The following MEIG1 variants were observed in gnomAD, a reference collection of about 807,000 sequenced individuals.
The protein encoded by MEIG1 is meiosis/spermiogenesis associated 1.
MEIG1 carries 12 observed loss-of-function variants against 11.3 expected under a neutral mutation model. That is an observed-to-expected ratio of 1.07 (90% confidence interval 0.68 to 1.73). MEIG1 has a LOEUF of 1.73. Ranked by LOEUF, MEIG1 falls within the 40% of genes most tolerant of loss-of-function variation. MEIG1 has a pLI of 0.00. For synonymous variants in MEIG1, 41 were observed against 33.2 expected (o/e 1.24, Z -0.81); for missense variants, 119 against 104.9 (o/e 1.13, Z -0.59).
At chr10:14,970,013 C>T (rs1213077236) in intron 2 of MEIG1, among the ~76,000 whole-genome samples, 2 of 152,172 alleles carry the variant, frequency 1.3e-5, no homozygotes, top group Non-Finnish European at 2.9e-5. Context: ...TCACTTCCTT[C>T]CAGGGACAAT....
downstream of MEIG1, among the ~76,000 whole-genome samples, chr10:14,974,546 C>T (rs1358679786): frequency 2.6e-5 from 4 of 151,958 alleles, no homozygotes; most frequent in East Asian, 1.9e-4. Flanking sequence ...CGTTTTGGGT[C>T]GTAAACCAGC....
chr10:14,968,582 T>C (rs567899123), intron 2 of MEIG1, among the ~76,000 whole-genome samples: 3 of 152,318 alleles, frequency 2.0e-5, no homozygotes, highest in East Asian at 1.9e-4. Context: ...ACCTCTTTAA[T>C]AGACATTAAT....
chr10:14,987,699 G>A lies in MEIG1; in HGVS notation n.286-89G>A, dbSNP rs190513760. 730 of 294,024 alleles carry A rather than the reference G, an allele frequency of 2.5e-3. 5 individuals carry two copies. The highest frequency in any genetic ancestry group is 0.018 in the Middle Eastern group (16 of 886). 18.2% of individuals were successfully genotyped at this position (294,024 alleles called of 1,614,324 possible). On this transcript the variant is annotated intron_variant and non_coding_transcript_variant, in intron 2 of 2. Coordinates refer to the MEIG1 transcript ENST00000467536. ...AAGAATATCAGAAGACCAAAACGTC[G>A]TATATAACAAATCCGTGATCTCCGT... is the stretch of plus-strand genomic sequence containing the variant.
At chr10:14,973,232 T>A (rs991179666), downstream of MEIG1, among the ~76,000 whole-genome samples, 1 of 152,110 alleles carries the variant, frequency 6.6e-6, no homozygotes, top group Non-Finnish European at 1.5e-5. Context: ...ATCATCCCAA[T>A]GGTTAGACTA....
chr10:14,975,811 A>G (rs1429333915), downstream of MEIG1, among the ~76,000 whole-genome samples: 14 of 152,060 alleles, frequency 9.2e-5, no homozygotes. Flanking sequence ...GCCCCCAGTG[A>G]TATTGGTCCT....
downstream of MEIG1, among the ~76,000 whole-genome samples, chr10:14,976,562 C>T (rs190867966): frequency 5.5e-3 from 832 of 152,174 alleles, 3 homozygotes; most frequent in Middle Eastern, 0.017. Context: ...TAAGATGTCA[C>T]TCCTCATATC....
chr10:14,963,930 C>T (rs892792850), intron 1 of MEIG1, among the ~76,000 whole-genome samples: 1 of 152,020 alleles, frequency 6.6e-6, no homozygotes. Context: ...AACCCCGTCT[C>T]TACTAAAAAT....
At chr10:14,974,508 G>A (rs936909410), downstream of MEIG1, among the ~76,000 whole-genome samples, 8 of 152,038 alleles carry the variant, frequency 5.3e-5, no homozygotes, top group African/African-American at 1.4e-4. Flanking sequence ...CCAGTATACC[G>A]CTGCTCTCTC....
At chr10:14,965,717 G>A (rs6602772) in intron 1 of MEIG1, among the ~76,000 whole-genome samples, 18 of 12,158 alleles carry the variant, frequency 1.5e-3, no homozygotes, top group African/African-American at 3.3e-3. Flanking sequence ...AGAGAGAGAG[G>A]TGCAGCTTTG....
chr10:14,972,891 A>G, downstream of MEIG1: 1 of 310,984 alleles, frequency 3.2e-6, no homozygotes, highest in Non-Finnish European at 6.0e-6. Context: ...TTTGAGACAG[A>G]GTCTCGCTCT....
chr10:14,984,520 ATTC>A, intron 1 of MEIG1, among the ~76,000 whole-genome samples: 1 of 152,150 alleles, frequency 6.6e-6, no homozygotes, highest in South Asian at 2.1e-4. Context: ...TTGTGGTCTT[ATTC>A]TTCTTCTCCT....
downstream of MEIG1, among the ~76,000 whole-genome samples, chr10:14,976,259 C>T (rs775037088): frequency 6.6e-6 from 1 of 152,090 alleles, no homozygotes; most frequent in Non-Finnish European, 1.5e-5. Flanking sequence ...GGGTATACAC[C>T]CTGCTGCATT....
chr10:14,973,617 A>G (rs932003209), downstream of MEIG1, among the ~76,000 whole-genome samples: 1 of 151,990 alleles, frequency 6.6e-6, no homozygotes, highest in Admixed American at 6.6e-5. Flanking sequence ...AAAAATACAA[A>G]AAATTAGCTG....
At chr10:14,985,011 C>T (rs149105311) in intron 1 of MEIG1, among the ~76,000 whole-genome samples, 1 of 152,064 alleles carries the variant, frequency 6.6e-6, no homozygotes, top group Admixed American at 6.5e-5. Flanking sequence ...GCGTGTACAC[C>T]CTTTGATATT....
At chr10:14,978,861 A>C (rs1843237319) in intron 1 of MEIG1, among the ~76,000 whole-genome samples, 1 of 151,848 alleles carries the variant, frequency 6.6e-6, no homozygotes, top group Admixed American at 6.6e-5. Context: ...GTTACAACTT[A>C]TGTCACACGG....
At chr10:14,956,544 G>C (rs1287914616), upstream of MEIG1, among the ~76,000 whole-genome samples, 1 of 152,050 alleles carries the variant, frequency 6.6e-6, no homozygotes, top group Non-Finnish European at 1.5e-5. Flanking sequence ...ATTGGACCAT[G>C]GCACTCCAGC....
At chr10:14,984,654 G>T (rs532790357) in intron 1 of MEIG1, among the ~76,000 whole-genome samples, 15 of 152,128 alleles carry the variant, frequency 9.9e-5, no homozygotes, top group South Asian at 6.2e-4. Context: ...TTACTCGTAT[G>T]ATCCTTGTAA....
At chr10:14,958,732 T>C (rs1002574797), upstream of MEIG1, among the ~76,000 whole-genome samples, 1 of 151,972 alleles carries the variant, frequency 6.6e-6, no homozygotes, top group Non-Finnish European at 1.5e-5. Context: ...CCGTCTCTAC[T>C]AAAAATACAA....
rs550976688 is a variant in MEIG1, at chr10:14,969,776, C to T, written c.139-2737C>T. Among the ~76,000 whole-genome samples the T allele has an allele frequency of 3.3e-5, 5 of 152,210 alleles. No homozygotes were observed. In the South Asian group the frequency reaches 1.0e-3, roughly 32 times the overall value. ...ACTTGAACCCGGGAGGGGGAGGTTA[C>T]AGTAAGCTGAGATCATGCCACTGCA... On this transcript the variant is annotated intron_variant, in intron 2 of 2. Transcript: ENST00000407572.
Sources: gnomAD v4.1 joint callset for allele counts (sites outside exome capture counted in the v4.1 genomes callset) on GRCh38, gnomAD v4.1.1 for gene constraint, MANE v1.5 for transcripts, NCBI Gene and HGNC (gene_info 2026-07-23, HGNC 2026-07-21) for gene names.